The following BIRC6 variants were observed in gnomAD, a reference collection of about 807,000 sequenced individuals.
The protein encoded by BIRC6 is baculoviral IAP repeat containing 6.
BIRC6 carries 98 observed loss-of-function variants against 503.3 expected under a neutral mutation model. The observed-to-expected ratio is 0.19, with a 90% CI of 0.17 to 0.23. The LOEUF (loss-of-function observed/expected upper bound fraction) is 0.23, where lower values mean the gene tolerates loss of function less well. Among genes scored for constraint, BIRC6 ranks in the 10% least tolerant of loss-of-function variants. The probability of loss-of-function intolerance (pLI) is 1.00; values close to 1 mark genes in which losing one functional copy is unlikely to be tolerated. For missense variants in BIRC6, 5,360 were observed against 5,806.0 expected, an observed-to-expected ratio of 0.92 and a Z score of 2.50; for synonymous variants, 2,240 against 2,078.7, an observed-to-expected ratio of 1.08 and a Z score of -2.11.
intron 57 of BIRC6, among the ~76,000 whole-genome samples, chr2:32,519,503 A>G (rs551813248): frequency 1.7e-4 from 26 of 152,176 alleles, no homozygotes; most frequent in African/African-American, 6.3e-4. Context: ...AGGCATATCA[A>G]CTTTTTATTT....
rs2050926983 is a variant in BIRC6 at position 32,485,860 on chromosome 2, T to C, written c.7813+101T>C. 2.4e-5 allele frequency: 19 copies of C among 776,864 alleles called. 1 individual carries two copies. In the South Asian group the frequency reaches 3.1e-4, roughly 13 times the overall value. The allele number at this position is 776,864 out of a possible 1,614,324, so 48.1% of individuals were successfully genotyped here. A position where few individuals can be genotyped will look rare whatever the true frequency, so the allele number is the denominator to read the frequency against. On this transcript the variant is annotated intron_variant, in intron 40 of 73. Coordinates refer to ENST00000421745, the MANE Select transcript of BIRC6 (RefSeq NM_016252.4). Reference sequence around the variant, plus strand: ...GGACAGATTTTTAAATTCCATGATGTGAGTCTGAGGGGACTTAGTATGTAG... The same window carrying C: ...GGACAGATTTTTAAATTCCATGATGCGAGTCTGAGGGGACTTAGTATGTAG...
chr2:32,584,819 T>C (rs2060921395), intron 66 of BIRC6, among the ~76,000 whole-genome samples: 1 of 152,184 alleles, frequency 6.6e-6, no homozygotes, highest in South Asian at 2.1e-4. Context: ...TATTCACCCA[T>C]CAAGGACTTG....
At chr2:32,423,484 G>A (rs561527778) in intron 10 of BIRC6, among the ~76,000 whole-genome samples, 2 of 152,204 alleles carry the variant, frequency 1.3e-5, no homozygotes, top group Admixed American at 6.5e-5. Context: ...TCCGCTGCTG[G>A]TAACCTCAAT....
At chr2:32,412,666 T>C (rs556042984) in intron 9 of BIRC6, among the ~76,000 whole-genome samples, 17 of 152,286 alleles carry the variant, frequency 1.1e-4, no homozygotes, top group South Asian at 8.3e-4. Flanking sequence ...TATTTTTTTT[T>C]TTCTAAACTG....
At chr2:32,476,090 T>C (rs568759932) in intron 33 of BIRC6, 123 bp from the exon 34 acceptor site, 2 of 701,358 alleles carry the variant, frequency 2.9e-6, no homozygotes, top group Non-Finnish European at 4.4e-6. Flanking sequence ...CAGTTAAAAT[T>C]ATACTACATC....
chr2:32,422,494 A>C (rs1238530799), intron 10 of BIRC6, among the ~76,000 whole-genome samples: 1 of 151,860 alleles, frequency 6.6e-6, no homozygotes, highest in Non-Finnish European at 1.5e-5. Flanking sequence ...CTGTCAAACC[A>C]AGAACTAAAG....
intron 59 of BIRC6, chr2:32,529,334 C>G (rs2056544824): frequency 4.5e-6 from 1 of 219,816 alleles, no homozygotes; most frequent in Non-Finnish European, 9.0e-6. Flanking sequence ...TATATGGCCC[C>G]CCCAGGTTAA....
At chr2:32,544,592 G>A (rs535782915) in intron 62 of BIRC6, among the ~76,000 whole-genome samples, 2 of 150,854 alleles carry the variant, frequency 1.3e-5, no homozygotes, top group African/African-American at 2.4e-5. Context: ...TTTGATTAGG[G>A]TCGATTTCTT....
chr2:32,443,634 C>T lies in BIRC6; in HGVS notation c.4336+46C>T. 3.0e-6 allele frequency: 4 copies of T among 1,316,410 alleles called. No individual in the cohort carries two copies. The South Asian group carries it at 5.2e-5, about 17-fold the overall frequency. 81.5% of individuals were successfully genotyped at this position (1,316,410 alleles called of 1,614,324 possible). ...CACAAATAGTTATAGTCATATGGAA[C>T]ATCTCATATGTATACTTAGGATTAT... On this transcript the variant is annotated intron_variant, in intron 20 of 73. Coordinates refer to ENST00000421745, the MANE Select transcript of BIRC6 (RefSeq NM_016252.4).
intron 51 of BIRC6, 23 bp from the exon 52 acceptor site, chr2:32,509,715 T>C (rs1330009563): frequency 6.2e-7 from 1 of 1,613,464 alleles, no homozygotes; most frequent in Non-Finnish European, 8.5e-7. Context: ...ATATTGATCA[T>C]ACAAGTCATT....
chr2:32,411,290 C>T (rs2041846099), intron 9 of BIRC6, among the ~76,000 whole-genome samples: 2 of 151,754 alleles, frequency 1.3e-5, no homozygotes, highest in Non-Finnish European at 2.9e-5. Context: ...CCACCCGCCT[C>T]ACCCTGCCAA....
At chr2:32,363,132 A>G (rs1041913376) in intron 1 of BIRC6, among the ~76,000 whole-genome samples, 13 of 151,882 alleles carry the variant, frequency 8.6e-5, no homozygotes, top group Non-Finnish European at 1.3e-4. Context: ...GTAGTTGGAG[A>G]CCAGCCTAGG....
intron 12 of BIRC6, among the ~76,000 whole-genome samples, chr2:32,432,765 A>G (rs959784634): frequency 1.3e-5 from 2 of 151,874 alleles, no homozygotes; most frequent in African/African-American, 4.8e-5. Flanking sequence ...ATTTCGGAAA[A>G]AAAAAAAAAA....
At chr2:32,460,273 T>TATATATATATATA (rs1491408691) in intron 23 of BIRC6, among the ~76,000 whole-genome samples, 14 of 16,838 alleles carry the variant, frequency 8.3e-4, no homozygotes, top group African/African-American at 1.7e-3. Flanking sequence ...TATATATATA[T>TATATATATATATA]TTTTTTTTTT....
At chr2:32,392,522 C>A (rs1326899762) in intron 5 of BIRC6, among the ~76,000 whole-genome samples, 1 of 152,152 alleles carries the variant, frequency 6.6e-6, no homozygotes, top group Non-Finnish European at 1.5e-5. Context: ...TCCCAAAGTG[C>A]TGGGATTACA....
chr2:32,478,260 C>G (rs1417929426), intron 35 of BIRC6, among the ~76,000 whole-genome samples: 1 of 151,990 alleles, frequency 6.6e-6, no homozygotes, highest in East Asian at 1.9e-4. Flanking sequence ...TTGCTTGAAC[C>G]TGGGGGCGAT....
chr2:32,390,728 T>C (rs548368411), intron 4 of BIRC6, among the ~76,000 whole-genome samples: 1 of 152,378 alleles, frequency 6.6e-6, no homozygotes, highest in East Asian at 1.9e-4. Flanking sequence ...CACTACTGAA[T>C]AAATTCATTT....
chr2:32,534,603 C>T (rs1403545992), intron 61 of BIRC6, among the ~76,000 whole-genome samples: 8 of 150,358 alleles, frequency 5.3e-5, no homozygotes, highest in South Asian at 2.1e-4. Flanking sequence ...TGGTGGTGGA[C>T]GCTTGTAATC....
Position 32,487,782 on chromosome 2 carries a change from T to A in BIRC6, c.7949T>A (p.Leu2650His), listed in dbSNP as rs753542309. 6.2e-7 allele frequency: 1 copy of A among 1,611,882 alleles called. No homozygotes were observed. Among genetic ancestry groups the A allele is most frequent in the Non-Finnish European group, 8.5e-7 (1 of 1,178,084 alleles). The part of the protein sequence containing the change: ...NVCFNKLFSM[L>H]QVHHVQLESL... Reference sequence around the variant, plus strand: ...TGTTTCAACAAACTTTTTTCCATGCTTCAAGTCCATCATGTTCAGGTATGA... The same window carrying A: ...TGTTTCAACAAACTTTTTTCCATGCATCAAGTCCATCATGTTCAGGTATGA... Residue 2650 changes from leucine (L) to histidine (H), a missense_variant, in exon 41 of 74, where the codon CTT becomes CAT. Coordinates refer to ENST00000421745, the MANE Select transcript of BIRC6 (RefSeq NM_016252.4).
Sources: gnomAD v4.1 joint callset for allele counts (sites outside exome capture counted in the v4.1 genomes callset) on GRCh38, gnomAD v4.1.1 for gene constraint, MANE v1.5 for transcripts, NCBI Gene and HGNC (gene_info 2026-07-23, HGNC 2026-07-21) for gene names.